The following RIBC1 variants were observed in gnomAD, a reference collection of about 807,000 sequenced individuals.
The protein encoded by RIBC1 is RIB43A-like with coiled-coils protein 1.
RIBC1 carries 12 observed loss-of-function variants against 33.7 expected under a neutral mutation model. The ratio of observed to expected loss-of-function variants is 0.36; its 90% CI spans 0.23 to 0.58. The LOEUF (loss-of-function observed/expected upper bound fraction) is 0.58, where lower values mean the gene tolerates loss of function less well. Among genes scored for constraint, RIBC1 ranks in the 20% least tolerant of loss-of-function variants. The pLI is 0.81. For missense variants in RIBC1, 242 were observed against 311.6 expected (o/e 0.78, Z 1.68); for synonymous variants, 89 against 109.0 (o/e 0.82, Z 1.14).
chrX:53,426,567 T>G (rs1009169851), intron 3 of RIBC1, among the ~76,000 whole-genome samples, 174 bp downstream of exon 3: 1 of 111,297 alleles, frequency 9.0e-6, no homozygotes, highest in Admixed American at 9.5e-5. Flanking sequence ...TGGGAAGAGC[T>G]TGGGAAGAGG....
chrX:53,426,057 C>G (rs1418481592), intron 2 of RIBC1, among the ~76,000 whole-genome samples: 1 of 112,116 alleles, frequency 8.9e-6, no homozygotes, highest in African/African-American at 3.2e-5. Context: ...GCAAGAGAAC[C>G]CAGTGGGGCT....
At chrX:53,429,445 C>T (rs1375571676) in intron 5 of RIBC1, 1 of 135,900 alleles carries the variant, frequency 7.4e-6, no homozygotes, top group Non-Finnish European at 1.5e-5. Flanking sequence ...ACCCTGTGTA[C>T]ATCCCTGCCA....
At position 53,423,420 on chromosome X, in the gene RIBC1, C is replaced by T. The variant is rs1021891055; in HGVS notation, c.-1+18C>T. The T allele has an allele frequency of 8.9e-6, 1 of 112,037 alleles. No homozygotes were observed. Among genetic ancestry groups the T allele is most frequent in the Non-Finnish European group, 1.9e-5 (1 of 53,125 alleles). The allele number at this position is 112,037 out of a possible 1,213,427, so 9.2% of individuals were successfully genotyped here. A position where few individuals can be genotyped will look rare whatever the true frequency, so the allele number is the denominator to read the frequency against. ...TGAGAAAGGTATTTTGTGTGAACCC[C>T]CAGGAGTCAGGGTCCCTAAGCCAGC... On this transcript the variant is annotated intron_variant, in intron 2 of 7. Transcript: ENST00000375327.
intron 5 of RIBC1, chrX:53,429,424 A>ACC (rs1455580130): frequency 8.4e-6 from 1 of 118,818 alleles, no homozygotes; most frequent in Non-Finnish European, 1.7e-5. Context: ...ACCATCCAAA[A>ACC]CCCTCTTAAT....
chrX:53,426,058 C>T (rs1165945410), intron 2 of RIBC1, among the ~76,000 whole-genome samples: 1 of 112,216 alleles, frequency 8.9e-6, no homozygotes, highest in East Asian at 2.8e-4. Flanking sequence ...CAAGAGAACC[C>T]AGTGGGGCTC....
At chrX:53,428,784 T>C in intron 5 of RIBC1, 157 bp downstream of exon 5, 5 of 1,098,413 alleles carry the variant, frequency 4.6e-6, no homozygotes, top group Non-Finnish European at 5.9e-6. Flanking sequence ...CCAACCTCCC[T>C]GACTTCCTTC....
At chrX:53,428,258 C>A in intron 4 of RIBC1, 25 bp from the exon 5 acceptor site, 1 of 1,205,692 alleles carries the variant, frequency 8.3e-7, no homozygotes, top group South Asian at 1.8e-5. Context: ...GGTATCTTCT[C>A]CATATCCTTG....
At chrX:53,430,824 C>T (rs1556894321) in intron 7 of RIBC1, 34 bp downstream of exon 7, 1 of 1,205,278 alleles carries the variant, frequency 8.3e-7, no homozygotes, top group Non-Finnish European at 1.1e-6. Context: ...GAGATAAATG[C>T]CAAGGGAGGG....
At chrX:53,426,449 T>C (rs1159465001) in intron 3 of RIBC1, 56 bp downstream of exon 3, 1 of 761,950 alleles carries the variant, frequency 1.3e-6, no homozygotes, top group Non-Finnish European at 2.0e-6. Flanking sequence ...CTCTTACACC[T>C]GGAGAGGAAT....
intron 4 of RIBC1, 71 bp from the exon 5 acceptor site, chrX:53,428,212 G>A: frequency 8.3e-7 from 1 of 1,200,772 alleles, no homozygotes; most frequent in Non-Finnish European, 1.1e-6. Flanking sequence ...GACCTTGAGA[G>A]TAGAGGACAT....
At position 53,430,776 on chromosome X, in the gene RIBC1, T is replaced by C; in HGVS notation, c.1044T>C (p.Asn348=). Residue 348 remains asparagine, a synonymous_variant, in exon 7 of 8, where the codon AAT becomes AAC. Transcript: ENST00000375327. ...GLGSFNQQLA[N]EQKAQQDYLN... The stretch of plus-strand genomic sequence containing the variant: ...GATCCTTCAACCAGCAGCTGGCTAA[T>C]GAGCAAAAAGCCCAGTGAGTTCTAG... 1 of 1,205,684 alleles carries C rather than the reference T, an allele frequency of 8.3e-7. No individual in the cohort carries two copies. The highest frequency in any genetic ancestry group is 1.8e-5 in the South Asian group (1 of 56,220).
At chrX:53,428,167 GC>G in intron 4 of RIBC1, 83 bp downstream of exon 4, 1 of 1,198,060 alleles carries the variant, frequency 8.3e-7, no homozygotes. Flanking sequence ...TGCCTCTGTG[GC>G]CTGAGGCCCT....
chrX:53,423,050 G>A (rs868942970), intron 1 of RIBC1, 46 bp downstream of exon 1: 1 of 198,822 alleles, frequency 5.0e-6, no homozygotes, highest in African/African-American at 2.9e-5. Flanking sequence ...TTCAAGGCTA[G>A]GACAAGGACA....
At chrX:53,426,232 C>T (rs782069289) in intron 2 of RIBC1, 45 bp from the exon 3 acceptor site, 16 of 842,026 alleles carry the variant, frequency 1.9e-5, no homozygotes, top group South Asian at 6.4e-5. Flanking sequence ...TAGTCAAAGA[C>T]GGTGGTCGGC....
intron 2 of RIBC1, 24 bp from the exon 3 acceptor site, chrX:53,426,253 C>G: frequency 9.5e-7 from 1 of 1,056,229 alleles, no homozygotes. Flanking sequence ...ACTGATGGGC[C>G]ATTCCACCTC....
At chrX:53,430,254 C>T (rs2075815712) in intron 6 of RIBC1, 142 bp from the exon 7 acceptor site, 5 of 522,649 alleles carry the variant, frequency 9.6e-6, no homozygotes, top group Non-Finnish European at 1.2e-5. Flanking sequence ...TTCTCCCCAA[C>T]ACATATTAGG....
chrX:53,430,357 G>A, intron 6 of RIBC1, 39 bp from the exon 7 acceptor site: 2 of 1,144,211 alleles, frequency 1.7e-6, no homozygotes, highest in Non-Finnish European at 2.4e-6. Context: ...GTTCCCTGAG[G>A]TTGGGCACCC....
intron 6 of RIBC1, 90 bp downstream of exon 6, chrX:53,430,062 C>A: frequency 1.3e-6 from 1 of 766,897 alleles, no homozygotes; most frequent in Non-Finnish European, 2.0e-6. Flanking sequence ...CTCTTACATC[C>A]CCTCTTAAAT....
chrX:53,424,734 C>T (rs1178936946), intron 2 of RIBC1, among the ~76,000 whole-genome samples: 1 of 109,966 alleles, frequency 9.1e-6, no homozygotes, highest in Non-Finnish European at 1.9e-5. Context: ...GGATCCTTAT[C>T]TCACACCATA....
Sources: allele counts gnomAD v4.1 joint callset (sites outside exome capture counted in the v4.1 genomes callset), GRCh38; gene constraint gnomAD v4.1.1; transcripts MANE v1.5; gene names NCBI Gene and HGNC (gene_info 2026-07-23, HGNC 2026-07-21).